The following CMSS1 variants were observed in gnomAD, a reference collection of about 807,000 sequenced individuals.
The protein encoded by CMSS1 is protein CMSS1.
CMSS1 carries 33 observed loss-of-function variants against 43.5 expected under a neutral mutation model. The observed-to-expected ratio is 0.76, with a 90% CI of 0.57 to 1.01. The LOEUF (loss-of-function observed/expected upper bound fraction) is 1.01, where lower values mean the gene tolerates loss of function less well. CMSS1 is among the 50% of genes least tolerant of loss of function. The pLI is 0.00. For synonymous variants in CMSS1, 115 were observed against 117.2 expected (o/e 0.98, Z 0.12); for missense variants, 313 against 326.4 (o/e 0.96, Z 0.32).
chr3:99,844,219 A>G (rs1051443338), intron 1 of CMSS1, among the ~76,000 whole-genome samples: 22 of 152,206 alleles, frequency 1.4e-4, no homozygotes, highest in African/African-American at 5.3e-4. Flanking sequence ...ATTAACCAGC[A>G]GAAGAGTTTG....
At chr3:99,829,728 C>G (rs936135710) in intron 1 of CMSS1, among the ~76,000 whole-genome samples, 3 of 152,098 alleles carry the variant, frequency 2.0e-5, no homozygotes, top group African/African-American at 7.2e-5. Flanking sequence ...TTTCAAGCAC[C>G]TGGAATATTG....
intron 1 of CMSS1, among the ~76,000 whole-genome samples, chr3:100,057,870 C>T (rs1001813031): frequency 3.3e-5 from 5 of 152,134 alleles, no homozygotes; most frequent in South Asian, 2.1e-4. Flanking sequence ...AATACAATGC[C>T]GGTCCAACTT....
intron 1 of CMSS1, among the ~76,000 whole-genome samples, chr3:99,956,057 G>T (rs1204930745): frequency 6.6e-6 from 1 of 152,148 alleles, no homozygotes; most frequent in Admixed American, 6.5e-5. Flanking sequence ...TGACTGACAC[G>T]TTTTTAAGTT....
intron 1 of CMSS1, among the ~76,000 whole-genome samples, chr3:99,909,519 A>G (rs1232911815): frequency 6.6e-6 from 1 of 152,190 alleles, no homozygotes; most frequent in African/African-American, 2.4e-5. Flanking sequence ...ATTTTCCTGC[A>G]GACATAATCA....
intron 1 of CMSS1, among the ~76,000 whole-genome samples, chr3:100,093,084 A>G (rs995888355): frequency 6.6e-6 from 1 of 152,104 alleles, no homozygotes; most frequent in African/African-American, 2.4e-5. Context: ...GAATGGAAAA[A>G]ATTGAAGTGT....
intron 1 of CMSS1, among the ~76,000 whole-genome samples, chr3:99,996,748 C>T (rs947214070): frequency 2.0e-5 from 3 of 151,934 alleles, no homozygotes; most frequent in Non-Finnish European, 4.4e-5. Flanking sequence ...CATCAGATCT[C>T]GTGAGACTTA....
chr3:99,891,868 C>T (rs890963288), intron 1 of CMSS1, among the ~76,000 whole-genome samples: 2 of 152,186 alleles, frequency 1.3e-5, no homozygotes, highest in African/African-American at 2.4e-5. Flanking sequence ...AACAAAACTA[C>T]ACTTTTTAAG....
intron 1 of CMSS1, among the ~76,000 whole-genome samples, chr3:100,106,707 C>T (rs900028999): frequency 1.3e-5 from 2 of 152,176 alleles, no homozygotes; most frequent in African/African-American, 4.8e-5. Flanking sequence ...TAAATGTAAG[C>T]TTCCTTTTGA....
At chr3:100,163,949 A>G (rs1303515085) in intron 4 of CMSS1, among the ~76,000 whole-genome samples, 1 of 152,196 alleles carries the variant, frequency 6.6e-6, no homozygotes. Flanking sequence ...CTGAAAAACA[A>G]TCTGTTCCCT....
At chr3:100,036,441 C>A (rs1230047802) in intron 1 of CMSS1, among the ~76,000 whole-genome samples, 1 of 152,050 alleles carries the variant, frequency 6.6e-6, no homozygotes, top group Non-Finnish European at 1.5e-5. Flanking sequence ...TCTGAAACAA[C>A]CTGAAGAGCG....
chr3:100,088,997 C>T (rs2066059741), intron 1 of CMSS1, among the ~76,000 whole-genome samples: 2 of 152,258 alleles, frequency 1.3e-5, no homozygotes, highest in Non-Finnish European at 1.5e-5. Flanking sequence ...TTACACTCTC[C>T]AGAGAGAAAG....
intron 1 of CMSS1, chr3:99,830,451 G>A (rs1031616168): frequency 4.4e-6 from 2 of 455,472 alleles, no homozygotes; most frequent in Non-Finnish European, 8.8e-6. Context: ...GGTGTTGGAG[G>A]TGACAGTTCT....
chr3:99,974,297 G>C (rs1362394322), intron 1 of CMSS1, among the ~76,000 whole-genome samples: 1 of 152,180 alleles, frequency 6.6e-6, no homozygotes, highest in African/African-American at 2.4e-5. Flanking sequence ...TTATGGTTTG[G>C]ACCTGCAGTT....
At chr3:100,145,645 A>G (rs2066843620) in intron 1 of CMSS1, among the ~76,000 whole-genome samples, 1 of 152,170 alleles carries the variant, frequency 6.6e-6, no homozygotes, top group Non-Finnish European at 1.5e-5. Context: ...GTCCTAGTCT[A>G]AAGGCCTTAG....
intron 1 of CMSS1, among the ~76,000 whole-genome samples, chr3:99,964,102 C>T (rs191439768): frequency 6.6e-6 from 1 of 151,984 alleles, no homozygotes; most frequent in African/African-American, 2.4e-5. Flanking sequence ...GGCATAGACT[C>T]GTTCTGTGGT....
intron 1 of CMSS1, among the ~76,000 whole-genome samples, chr3:99,943,190 A>G (rs1008301559): frequency 3.7e-4 from 56 of 152,332 alleles, no homozygotes; most frequent in African/African-American, 1.3e-3. Context: ...TCTAGTGGTC[A>G]GCTCATGCCT....
At chr3:99,992,958 A>G (rs1269619084) in intron 1 of CMSS1, among the ~76,000 whole-genome samples, 1 of 152,098 alleles carries the variant, frequency 6.6e-6, no homozygotes, top group Non-Finnish European at 1.5e-5. Context: ...GACCTTGTCA[A>G]AGATCACTTG....
intron 1 of CMSS1, among the ~76,000 whole-genome samples, chr3:100,080,499 C>G (rs1340128093): frequency 6.6e-6 from 1 of 152,142 alleles, no homozygotes; most frequent in Non-Finnish European, 1.5e-5. Context: ...GGCCCAGGAT[C>G]TGAATTTAGT....
intron 1 of CMSS1, among the ~76,000 whole-genome samples, chr3:100,146,160 G>A (rs1004368099): frequency 7.9e-5 from 12 of 152,176 alleles, no homozygotes; most frequent in Admixed American, 5.9e-4. Context: ...AAGGCAGCGC[G>A]ACATTATGGG....
Sources: gnomAD v4.1 joint callset for allele counts (sites outside exome capture counted in the v4.1 genomes callset) on GRCh38, gnomAD v4.1.1 for gene constraint, MANE v1.5 for transcripts, NCBI Gene and HGNC (gene_info 2026-07-23, HGNC 2026-07-21) for gene names.